SLC13A3: variants seen among roughly 807,000 people sequenced by gnomAD.
SLC13A3 encodes the protein solute carrier family 13 member 3.
In SLC13A3, 40 loss-of-function variants were observed where a neutral mutation model predicts 59.0. The observed-to-expected ratio is 0.68, with a 90% CI of 0.53 to 0.88. The LOEUF (loss-of-function observed/expected upper bound fraction) is 0.88, where lower values mean the gene tolerates loss of function less well. Ranked by LOEUF, SLC13A3 falls within the 40% of genes least tolerant of loss-of-function variation. The pLI, the probability that SLC13A3 is intolerant of heterozygous loss-of-function variation, is 0.00. For synonymous variants in SLC13A3, 317 were observed against 330.3 expected, an observed-to-expected ratio of 0.96 and a Z score of 0.44; for missense variants, 699 against 783.2, an observed-to-expected ratio of 0.89 and a Z score of 1.28.
intron 1 of SLC13A3, among the ~76,000 whole-genome samples, chr20:46,631,153 C>T (rs926119965): frequency 6.6e-6 from 1 of 152,114 alleles, no homozygotes; most frequent in Admixed American, 6.5e-5. Flanking sequence ...GATTCTGTCC[C>T]CCAGGGGACA....
At chr20:46,626,936 A>G (rs2062680242) in intron 1 of SLC13A3, among the ~76,000 whole-genome samples, 1 of 135,890 alleles carries the variant, frequency 7.4e-6, no homozygotes, top group Admixed American at 7.7e-5. Flanking sequence ...CTTGCTGTTC[A>G]GCCCTCACTT....
At chr20:46,587,702 T>G (rs2062208008) in intron 8 of SLC13A3, among the ~76,000 whole-genome samples, 1 of 152,226 alleles carries the variant, frequency 6.6e-6, no homozygotes, top group African/African-American at 2.4e-5. Flanking sequence ...TACTTGCTTT[T>G]GTCTGTGTCC....
At chr20:46,617,802 A>G (rs1329710927) in intron 1 of SLC13A3, among the ~76,000 whole-genome samples, 1 of 152,108 alleles carries the variant, frequency 6.6e-6, no homozygotes, top group Non-Finnish European at 1.5e-5. Context: ...CGCAAAACTG[A>G]CTTTCTTCCA....
At chr20:46,631,293 A>T (rs1034271925) in intron 1 of SLC13A3, among the ~76,000 whole-genome samples, 1 of 152,202 alleles carries the variant, frequency 6.6e-6, no homozygotes, top group African/African-American at 2.4e-5. Flanking sequence ...CAATAGGGTC[A>T]ATGTCCACAG....
chr20:46,586,638 TA>T (rs1242806486), intron 8 of SLC13A3, among the ~76,000 whole-genome samples: 3 of 152,058 alleles, frequency 2.0e-5, no homozygotes, highest in South Asian at 4.1e-4. Flanking sequence ...CCCAGCCCCC[TA>T]AAAAATATTC....
At chr20:46,637,464 G>A (rs1775854238) in intron 1 of SLC13A3, among the ~76,000 whole-genome samples, 1 of 152,132 alleles carries the variant, frequency 6.6e-6, no homozygotes, top group African/African-American at 2.4e-5. Context: ...AGGAAATGGA[G>A]GCTCAGAGAA....
chr20:46,652,150 A>G (rs1175711779), upstream of SLC13A3, among the ~76,000 whole-genome samples: 1 of 152,210 alleles, frequency 6.6e-6, no homozygotes, highest in Non-Finnish European at 1.5e-5. Flanking sequence ...TAGGCTTAAT[A>G]CCTGGATGAC....
upstream of SLC13A3, among the ~76,000 whole-genome samples, chr20:46,656,199 A>G (rs2062989193): frequency 7.0e-6 from 1 of 143,602 alleles, no homozygotes; most frequent in Admixed American, 7.2e-5. Context: ...TATAGACTGC[A>G]CAGTATATAT....
intron 1 of SLC13A3, among the ~76,000 whole-genome samples, chr20:46,680,935 A>C (rs909528305): frequency 2.6e-5 from 4 of 152,216 alleles, no homozygotes; most frequent in African/African-American, 9.6e-5. Context: ...GAGGACACTG[A>C]GGCTCAGAGA....
chr20:46,651,871 A>G (rs2062954681), upstream of SLC13A3, among the ~76,000 whole-genome samples: 1 of 152,232 alleles, frequency 6.6e-6, no homozygotes, highest in East Asian at 1.9e-4. Context: ...TGGAGTGGTG[A>G]TAATAATAGT....
intron 9 of SLC13A3, among the ~76,000 whole-genome samples, chr20:46,579,567 A>AC (rs1364899707): frequency 6.6e-6 from 1 of 152,230 alleles, no homozygotes; most frequent in East Asian, 1.9e-4. Flanking sequence ...GCACAGGGTC[A>AC]CTGGTGGCCA....
intron 9 of SLC13A3, among the ~76,000 whole-genome samples, chr20:46,576,523 C>T (rs1016082794): frequency 3.9e-5 from 6 of 152,140 alleles, no homozygotes; most frequent in African/African-American, 1.4e-4. Context: ...CGAACCAGGA[C>T]AATGATGCAT....
intron 1 of SLC13A3, among the ~76,000 whole-genome samples, chr20:46,617,619 T>C (rs999987332): frequency 1.1e-4 from 17 of 152,110 alleles, no homozygotes; most frequent in African/African-American, 3.9e-4. Context: ...CGTGTGTGTG[T>C]GTGTGTGTGT....
intron 3 of SLC13A3, among the ~76,000 whole-genome samples, chr20:46,609,214 A>G (rs887668045): frequency 1.3e-5 from 2 of 152,208 alleles, no homozygotes; most frequent in African/African-American, 4.8e-5. Context: ...CAACCATAAG[A>G]CCAGGGGAAC....
chr20:46,632,922 T>G (rs370655881), intron 1 of SLC13A3, among the ~76,000 whole-genome samples: 1 of 74,682 alleles, frequency 1.3e-5, no homozygotes, highest in Admixed American at 1.3e-4. Flanking sequence ...TATCTATCTA[T>G]CTATCTATCT....
At chr20:46,573,283 G>A (rs999385141) in intron 10 of SLC13A3, among the ~76,000 whole-genome samples, 3 of 152,124 alleles carry the variant, frequency 2.0e-5, no homozygotes, top group South Asian at 2.1e-4. Flanking sequence ...CCCCAAAAGC[G>A]GCCTCACTTG....
chr20:46,678,059 C>A (rs2038611752), intron 1 of SLC13A3, among the ~76,000 whole-genome samples: 1 of 152,226 alleles, frequency 6.6e-6, no homozygotes, highest in Non-Finnish European at 1.5e-5. Flanking sequence ...CAGTTACAGC[C>A]ACCCACTGGA....
intron 6 of SLC13A3, among the ~76,000 whole-genome samples, chr20:46,591,237 A>T (rs1600528150): frequency 6.6e-6 from 1 of 152,222 alleles, no homozygotes; most frequent in East Asian, 1.9e-4. Context: ...GTCACTAGAA[A>T]AAGATATCTA....
chr20:46,647,012 A>C (rs1437737999), intron 1 of SLC13A3, among the ~76,000 whole-genome samples: 1 of 152,164 alleles, frequency 6.6e-6, no homozygotes, highest in Non-Finnish European at 1.5e-5. Flanking sequence ...GTGTACTACC[A>C]TCCCCCCCAA....
Sources: gnomAD v4.1 joint callset for allele counts (sites outside exome capture counted in the v4.1 genomes callset) on GRCh38, gnomAD v4.1.1 for gene constraint, MANE v1.5 for transcripts, NCBI Gene and HGNC (gene_info 2026-07-23, HGNC 2026-07-21) for gene names.